NSMCE2: variants seen among roughly 807,000 people sequenced by gnomAD.
The protein encoded by NSMCE2 is NSE2 SUMO ligase component of SMC5/6 complex, also known as E3 SUMO-protein ligase NSE2.
NSMCE2 carries 24 observed loss-of-function variants against 23.8 expected under a neutral mutation model. The observed-to-expected ratio is 1.01, with a 90% confidence interval of 0.73 to 1.42. The LOEUF (loss-of-function observed/expected upper bound fraction) is 1.42, where lower values mean the gene tolerates loss of function less well. NSMCE2 is among the 40% of genes most tolerant of loss of function. The pLI is 0.00. For synonymous variants in NSMCE2, 92 were observed against 94.1 expected, an observed-to-expected ratio of 0.98 and a Z score of 0.13; for missense variants, 284 against 296.5, an observed-to-expected ratio of 0.96 and a Z score of 0.31.
chr8:125,140,803 G>A (rs1586499640), intron 3 of NSMCE2, among the ~76,000 whole-genome samples: 1 of 152,192 alleles, frequency 6.6e-6, no homozygotes, highest in East Asian at 1.9e-4. Context: ...CTTGAGCACA[G>A]CCAAAGACTT....
intron 5 of NSMCE2, among the ~76,000 whole-genome samples, chr8:125,188,430 T>C (rs139640522): frequency 4.2e-4 from 64 of 152,320 alleles, no homozygotes; most frequent in South Asian, 1.7e-3. Context: ...GCTTCTGTGC[T>C]ACTGAAAGGG....
chr8:125,096,276 G>A (rs1817924122), intron 1 of NSMCE2, among the ~76,000 whole-genome samples: 1 of 152,168 alleles, frequency 6.6e-6, no homozygotes, highest in Non-Finnish European at 1.5e-5. Flanking sequence ...GGAAAATGTG[G>A]AGCATATATA....
At chr8:125,238,107 G>A (rs549027661) in intron 5 of NSMCE2, among the ~76,000 whole-genome samples, 40 of 152,254 alleles carry the variant, frequency 2.6e-4, no homozygotes, top group African/African-American at 9.1e-4. Flanking sequence ...CTCACTATCA[G>A]CATTGATCCT....
intron 5 of NSMCE2, among the ~76,000 whole-genome samples, chr8:125,267,003 C>CTTTTTTTTTTTTTT (rs35990794): frequency 1.1e-4 from 12 of 111,984 alleles, no homozygotes; most frequent in Non-Finnish European, 2.1e-4. Context: ...TTTTTTCTTT[C>CTTTTTTTTTTTTTT]TTTTTTTTTT....
At chr8:125,223,490 A>G (rs1824960467) in intron 5 of NSMCE2, among the ~76,000 whole-genome samples, 1 of 152,186 alleles carries the variant, frequency 6.6e-6, no homozygotes, top group Admixed American at 6.5e-5. Context: ...TTTCATTTGT[A>G]TGTATACCCA....
intron 5 of NSMCE2, among the ~76,000 whole-genome samples, chr8:125,311,954 G>A (rs868070817): frequency 6.6e-6 from 1 of 151,908 alleles, no homozygotes; most frequent in African/African-American, 2.4e-5. Context: ...TGTAATCCCA[G>A]CTACTCAGGA....
chr8:125,199,221 A>G (rs6470343), intron 5 of NSMCE2, among the ~76,000 whole-genome samples: 40,704 of 152,018 alleles, frequency 0.27, 7,862 homozygotes, highest in African/African-American at 0.55. Context: ...CCTTCTGCTA[A>G]CTTTAGAATT....
At chr8:125,324,161 T>C (rs1034161954) in intron 5 of NSMCE2, among the ~76,000 whole-genome samples, 6 of 152,180 alleles carry the variant, frequency 3.9e-5, no homozygotes, top group African/African-American at 1.4e-4. Flanking sequence ...TTAAAGTTTT[T>C]AAAAACACGA....
chr8:125,163,610 AC>A (rs895862966), intron 4 of NSMCE2, among the ~76,000 whole-genome samples: 34 of 151,898 alleles, frequency 2.2e-4, no homozygotes, highest in African/African-American at 7.5e-4. Context: ...TGTTTTGACT[AC>A]CCCCCTGCCC....
At chr8:125,204,785 C>G (rs776729284) in intron 5 of NSMCE2, among the ~76,000 whole-genome samples, 1 of 152,188 alleles carries the variant, frequency 6.6e-6, no homozygotes, top group Non-Finnish European at 1.5e-5. Context: ...TACCAGTCCC[C>G]TCTCCATTAC....
chr8:125,231,107 A>G (rs1166346885), intron 5 of NSMCE2, among the ~76,000 whole-genome samples: 4 of 152,176 alleles, frequency 2.6e-5, no homozygotes, highest in Admixed American at 1.3e-4. Flanking sequence ...AATTTTTGAG[A>G]GAAGAAATAC....
chr8:125,201,999 G>T (rs527575687), intron 5 of NSMCE2, among the ~76,000 whole-genome samples: 16 of 152,062 alleles, frequency 1.1e-4, no homozygotes, highest in African/African-American at 3.9e-4. Context: ...GCAAGGCTCC[G>T]TCGGCATGGG....
intron 5 of NSMCE2, among the ~76,000 whole-genome samples, chr8:125,310,043 CAG>C (rs921250407): frequency 2.6e-5 from 4 of 152,150 alleles, no homozygotes; most frequent in African/African-American, 9.7e-5. Context: ...CCTAGGTAAA[CAG>C]AGACACTGAA....
intron 5 of NSMCE2, among the ~76,000 whole-genome samples, chr8:125,199,311 G>A (rs375043269): frequency 6.6e-6 from 1 of 152,092 alleles, no homozygotes; most frequent in Non-Finnish European, 1.5e-5. Flanking sequence ...TCTCTTATGG[G>A]CATCTAGTGC....
intron 5 of NSMCE2, chr8:125,348,369 A>G (rs1199815953): frequency 6.6e-6 from 1 of 152,072 alleles, no homozygotes; most frequent in Non-Finnish European, 1.5e-5. Flanking sequence ...CCATCCTGTG[A>G]GGTTGTAACA....
At chr8:125,312,905 G>T (rs796648117) in intron 5 of NSMCE2, among the ~76,000 whole-genome samples, 3 of 152,188 alleles carry the variant, frequency 2.0e-5, no homozygotes, top group African/African-American at 7.2e-5. Flanking sequence ...CCAGCACGGG[G>T]AGAGCACAGA....
intron 5 of NSMCE2, among the ~76,000 whole-genome samples, chr8:125,196,725 G>A (rs1401086794): frequency 6.6e-6 from 1 of 152,168 alleles, no homozygotes; most frequent in Admixed American, 6.5e-5. Flanking sequence ...CCAGTAATGG[G>A]ATCGCTGGGT....
chr8:125,291,262 A>G (rs1828094355), intron 5 of NSMCE2, among the ~76,000 whole-genome samples: 1 of 152,206 alleles, frequency 6.6e-6, no homozygotes, highest in Non-Finnish European at 1.5e-5. Flanking sequence ...TTCCGTTTAC[A>G]TTTTGTTCCA....
chr8:125,195,879 C>CTTTTT (rs34687223), intron 5 of NSMCE2, among the ~76,000 whole-genome samples: 237 of 83,618 alleles, frequency 2.8e-3, no homozygotes, highest in Middle Eastern at 0.011. Context: ...TCCTGAATAA[C>CTTTTT]TTTTTTTTTT....
Sources: allele counts gnomAD v4.1 joint callset (sites outside exome capture counted in the v4.1 genomes callset), GRCh38; gene constraint gnomAD v4.1.1; transcripts MANE v1.5; gene names NCBI Gene and HGNC (gene_info 2026-07-23, HGNC 2026-07-21).